Variants in RUVBL1 observed in about 807,000 individuals in gnomAD.
RUVBL1 encodes RuvB like AAA ATPase 1.
A neutral mutation model predicts 52.4 loss-of-function variants in RUVBL1; 4 were observed. The ratio of observed to expected loss-of-function variants is 0.08; its 90% CI spans 0.04 to 0.17. The LOEUF (loss-of-function observed/expected upper bound fraction) is 0.17, where lower values mean the gene tolerates loss of function less well. Ranked by LOEUF, RUVBL1 falls within the 10% of genes least tolerant of loss-of-function variation. The probability of loss-of-function intolerance (pLI) is 1.00; values close to 1 mark genes in which losing one functional copy is unlikely to be tolerated. For missense variants in RUVBL1, 298 were observed against 572.8 expected (o/e 0.52, Z 4.90); for synonymous variants, 217 against 214.4 (o/e 1.01, Z -0.10).
Position 128,098,963 on chromosome 3 carries a change from TAG to T in RUVBL1, c.754-20_754-19del, listed in dbSNP as rs1943053783. The stretch of plus-strand genomic sequence containing the variant: ...TGTCCCCCCTGCATAAGAGAAGACT[TAG>T]AGTCAGTGCTGCTTTCTAAGGTGAC... On this transcript the variant is annotated intron_variant, in intron 6 of 10. Transcript: ENST00000322623. 2.5e-6 allele frequency: 4 copies of T among 1,609,858 alleles called. No individual in the cohort carries two copies. The African/African-American group carries it at 5.3e-5, about 22-fold the overall frequency.
intron 3 of RUVBL1, among the ~76,000 whole-genome samples, chr3:128,105,215 CCA>C (rs1943204120): frequency 6.6e-6 from 1 of 151,512 alleles, no homozygotes; most frequent in Non-Finnish European, 1.5e-5. Flanking sequence ...CCGGTTCACT[CCA>C]TTCTCCTGCC....
chr3:128,150,859 A>C (rs926594949), intron 1 of RUVBL1, among the ~76,000 whole-genome samples: 3 of 74,410 alleles, frequency 4.0e-5, no homozygotes, highest in South Asian at 4.5e-4. Context: ...TCTATATATT[A>C]TATATTATAT....
At chr3:128,106,657 T>A (rs527970912) in intron 3 of RUVBL1, among the ~76,000 whole-genome samples, 1 of 152,162 alleles carries the variant, frequency 6.6e-6, no homozygotes, top group Non-Finnish European at 1.5e-5. Context: ...ATGAAGTCAC[T>A]AAGAGTGAAG....
At chr3:128,075,132 G>A (rs1172559944) in intron 9 of RUVBL1, 1 of 152,198 alleles carries the variant, frequency 6.6e-6, no homozygotes, top group Admixed American at 6.5e-5. Context: ...AGTGGAAAGA[G>A]CAAGGTCCTA....
At chr3:128,122,091 C>T (rs1460658653) in intron 1 of RUVBL1, among the ~76,000 whole-genome samples, 3 of 151,072 alleles carry the variant, frequency 2.0e-5, no homozygotes, top group Admixed American at 2.0e-4. Context: ...AGGCATAGAG[C>T]ATGCACTCTG....
chr3:128,074,377 C>CA (rs35544549), intron 9 of RUVBL1, among the ~76,000 whole-genome samples: 76,572 of 146,188 alleles, frequency 0.52, 20,158 homozygotes, highest in Non-Finnish European at 0.62. Context: ...TAATCTATTG[C>CA]AAAAAAAAAA....
intron 1 of RUVBL1, among the ~76,000 whole-genome samples, chr3:128,132,659 G>A (rs374621493): frequency 7.9e-5 from 12 of 152,156 alleles, no homozygotes; most frequent in African/African-American, 2.4e-4. Flanking sequence ...AGAATGCAGC[G>A]TCTTGAAGGA....
chr3:128,085,664 G>A (rs1576443096), intron 9 of RUVBL1, among the ~76,000 whole-genome samples: 2 of 152,320 alleles, frequency 1.3e-5, no homozygotes, highest in East Asian at 3.9e-4. Context: ...TGACTCTCCT[G>A]ATGCATCCCC....
intron 1 of RUVBL1, among the ~76,000 whole-genome samples, chr3:128,122,773 T>G (rs374862239): frequency 6.6e-6 from 1 of 152,228 alleles, no homozygotes; most frequent in Non-Finnish European, 1.5e-5. Flanking sequence ...TGTATCATCA[T>G]AGAGCACTGA....
chr3:128,072,686 G>A (rs1328335455), intron 9 of RUVBL1, among the ~76,000 whole-genome samples: 1 of 152,220 alleles, frequency 6.6e-6, no homozygotes, highest in Non-Finnish European at 1.5e-5. Flanking sequence ...GAATTGCTGA[G>A]GCAGGCAGGG....
At chr3:128,090,299 A>G (rs1441518786) in intron 8 of RUVBL1, among the ~76,000 whole-genome samples, 4 of 152,374 alleles carry the variant, frequency 2.6e-5, no homozygotes, top group African/African-American at 4.8e-5. Context: ...TGGGAGGCCA[A>G]GGCGGGCAGA....
intron 2 of RUVBL1, among the ~76,000 whole-genome samples, chr3:128,113,679 TG>T (rs774348101): frequency 1.3e-3 from 197 of 152,372 alleles, no homozygotes; most frequent in Non-Finnish European, 2.1e-3. Flanking sequence ...GTTTTTTTCC[TG>T]AGTATTTTTG....
rs148846036 is a variant in RUVBL1 at position 128,101,347 on chromosome 3, T to C, written c.603+212A>G. 1.9e-3 allele frequency among the ~76,000 whole-genome samples: 290 copies of C among 152,294 alleles called. 1 individual carries two copies. The highest frequency in any genetic ancestry group is 6.5e-3 in the African/African-American group (270 of 41,554). On this transcript the variant is annotated intron_variant, in intron 5 of 10. Transcript: ENST00000322623. ...TATTTTTTCTAACAGACTATCTGTT[T>C]TAATCGCGAGAAGGTTAAAGAATGA... is the stretch of plus-strand genomic sequence containing the variant.
chr3:128,091,984 T>C (rs1176339662), intron 8 of RUVBL1, among the ~76,000 whole-genome samples: 1 of 152,210 alleles, frequency 6.6e-6, no homozygotes, highest in African/African-American at 2.4e-5. Flanking sequence ...CTCTGGGTAA[T>C]GTGATGGGTA....
At chr3:128,068,369 C>T (rs1031208764) in intron 9 of RUVBL1, among the ~76,000 whole-genome samples, 36 of 152,178 alleles carry the variant, frequency 2.4e-4, no homozygotes, top group African/African-American at 8.4e-4. Context: ...GGCAGCGGGA[C>T]CCTCACCCTG....
chr3:128,086,065 C>T (rs1295658448), intron 9 of RUVBL1, among the ~76,000 whole-genome samples: 1 of 152,204 alleles, frequency 6.6e-6, no homozygotes, highest in African/African-American at 2.4e-5. Flanking sequence ...GGCACCATCA[C>T]AGCTCACTGC....
At chr3:128,099,010 T>C in intron 6 of RUVBL1, 65 bp from the exon 7 acceptor site, 1 of 1,332,814 alleles carries the variant, frequency 7.5e-7, no homozygotes, top group Non-Finnish European at 1.1e-6. Flanking sequence ...CTCATCCCCC[T>C]GCATCCCACT....
At chr3:128,069,831 G>A (rs1183153850) in intron 9 of RUVBL1, 1 of 679,448 alleles carries the variant, frequency 1.5e-6, no homozygotes, top group East Asian at 2.8e-5. Flanking sequence ...TTAAAATTTT[G>A]CTTTTTATCC....
In RUVBL1 at chr3:128,081,734, G is replaced by A. The variant is rs564562385; in HGVS notation, c.1212-325C>T. The A allele has an allele frequency of 1.2e-4, 29 of 241,666 alleles. No individual in the cohort carries two copies. Among genetic ancestry groups the A allele is most frequent in the African/African-American group, 5.8e-4 (26 of 44,914 alleles). The allele number at this position is 241,666 out of a possible 1,614,324, so 15.0% of individuals were successfully genotyped here. A position where few individuals can be genotyped will look rare whatever the true frequency, so the allele number is the denominator to read the frequency against. ...CAAACTTATATGTATACAGGTGTCC[G>A]ACAGATAGGGATATTTAACATGGCA... is the stretch of plus-strand genomic sequence containing the variant. On this transcript the variant is annotated intron_variant, in intron 10 of 10. Transcript: ENST00000322623. The surrounding 1 kb of genome is among the most constrained non-coding windows in gnomAD (Gnocchi z 4.8).
Sources: allele counts gnomAD v4.1 joint callset (sites outside exome capture counted in the v4.1 genomes callset), GRCh38; gene constraint gnomAD v4.1.1; non-coding constraint Gnocchi (gnomAD v3.1); transcripts MANE v1.5; gene names NCBI Gene and HGNC (gene_info 2026-07-23, HGNC 2026-07-21).